FBXW7: variants seen among roughly 807,000 people sequenced by gnomAD.
FBXW7 encodes the protein F-box and WD repeat domain containing 7.
In FBXW7, 11 loss-of-function variants were observed where a neutral mutation model predicts 86.3. The observed-to-expected ratio is 0.13, with a 90% CI of 0.08 to 0.21. The LOEUF is 0.21. FBXW7 is among the 10% of genes least tolerant of loss of function. FBXW7 has a pLI of 1.00. For synonymous variants in FBXW7, 313 were observed against 297.9 expected, an observed-to-expected ratio of 1.05 and a Z score of -0.52; for missense variants, 488 against 847.4, an observed-to-expected ratio of 0.58 and a Z score of 5.27.
chr4:152,359,864 A>C (rs74289464), intron 4 of FBXW7, among the ~76,000 whole-genome samples: 2,082 of 152,290 alleles, frequency 0.014, 25 homozygotes, highest in Middle Eastern at 0.037. Context: ...AAAATGGAGA[A>C]GTTATTTTAA....
intron 9 of FBXW7, among the ~76,000 whole-genome samples, chr4:152,330,135 T>C (rs78501295): frequency 1.3e-5 from 2 of 151,698 alleles, no homozygotes; most frequent in African/African-American, 4.8e-5. Context: ...AAGAACAAAA[T>C]AAGCATCTAT....
chr4:152,376,415 C>T (rs1734523054), intron 4 of FBXW7, among the ~76,000 whole-genome samples: 1 of 151,980 alleles, frequency 6.6e-6, no homozygotes, highest in African/African-American at 2.4e-5. Flanking sequence ...GAAACAAAAG[C>T]AATACGACTG....
At chr4:152,416,752 A>G (rs1156581860) in intron 2 of FBXW7, among the ~76,000 whole-genome samples, 2 of 152,312 alleles carry the variant, frequency 1.3e-5, no homozygotes, top group Non-Finnish European at 2.9e-5. Flanking sequence ...TCAATCATAT[A>G]TATCTTTACT....
chr4:152,465,072 T>C (rs1322935285), intron 2 of FBXW7, among the ~76,000 whole-genome samples: 1 of 152,104 alleles, frequency 6.6e-6, no homozygotes, highest in Non-Finnish European at 1.5e-5. Flanking sequence ...CCAAGGTGTA[T>C]TATTGGTCAG....
rs147328646 is a variant in FBXW7 at position 152,383,114 on chromosome 4, T to C, written c.501+28189A>G. On this transcript the variant is annotated intron_variant, in intron 4 of 13. Coordinates refer to ENST00000281708, the MANE Select transcript of FBXW7 (RefSeq NM_001349798.2). ...TCAATCTTTAATTCTGAAAAACTTA[T>C]TGATTATACTTGAAAGCATAACAGT... 1.7e-3 allele frequency among the ~76,000 whole-genome samples: 255 copies of C among 152,260 alleles called. 1 individual carries two copies. The highest frequency in any genetic ancestry group is 5.8e-3 in the African/African-American group (243 of 41,572).
At chr4:152,336,784 CCATG>C (rs1469370374) in intron 7 of FBXW7, among the ~76,000 whole-genome samples, 2 of 151,964 alleles carry the variant, frequency 1.3e-5, no homozygotes, top group Non-Finnish European at 2.9e-5. Flanking sequence ...ATGCTTAGTT[CCATG>C]CATTAAATAT....
chr4:152,335,349 T>A (rs1262355762), intron 7 of FBXW7, among the ~76,000 whole-genome samples: 3 of 151,032 alleles, frequency 2.0e-5, no homozygotes, highest in Non-Finnish European at 4.4e-5. Flanking sequence ...ATGCCTGTAG[T>A]CCTAGCTACT....
intron 2 of FBXW7, among the ~76,000 whole-genome samples, chr4:152,511,812 CTATA>C (rs1385667251): frequency 1.3e-5 from 2 of 151,986 alleles, no homozygotes; most frequent in African/African-American, 4.8e-5. Context: ...GAGAATATCA[CTATA>C]TATTTGTATT....
chr4:152,458,169 A>G (rs945115830), intron 2 of FBXW7, among the ~76,000 whole-genome samples: 1 of 151,856 alleles, frequency 6.6e-6, no homozygotes, highest in Non-Finnish European at 1.5e-5. Context: ...ACAGGCACGC[A>G]CCACCACGCG....
At chr4:152,408,223 C>A (rs1737604491) in intron 4 of FBXW7, among the ~76,000 whole-genome samples, 1 of 152,090 alleles carries the variant, frequency 6.6e-6, no homozygotes, top group African/African-American at 2.4e-5. Flanking sequence ...ATCAGGATAC[C>A]AGATCTGGCC....
chr4:152,461,366 T>G (rs1429368016), intron 2 of FBXW7, among the ~76,000 whole-genome samples: 1 of 152,252 alleles, frequency 6.6e-6, no homozygotes, highest in African/African-American at 2.4e-5. Context: ...TTTGATCTCC[T>G]ATCTATTCAC....
chr4:152,337,241 T>C (rs189955380), intron 7 of FBXW7, among the ~76,000 whole-genome samples: 68 of 152,026 alleles, frequency 4.5e-4, no homozygotes, highest in Admixed American at 9.2e-4. Context: ...GAAATCTGTA[T>C]TTGTGTAATG....
chr4:152,353,884 C>T (rs1370646467), intron 4 of FBXW7, among the ~76,000 whole-genome samples: 1 of 152,082 alleles, frequency 6.6e-6, no homozygotes, highest in Non-Finnish European at 1.5e-5. Flanking sequence ...TCCTACCCTC[C>T]CCATTAGTGT....
At chr4:152,326,590 A>G (rs938141491) in intron 11 of FBXW7, among the ~76,000 whole-genome samples, 1 of 152,108 alleles carries the variant, frequency 6.6e-6, no homozygotes, top group Non-Finnish European at 1.5e-5. Flanking sequence ...GATTTTAGAA[A>G]TAAAATGTTA....
chr4:152,512,708 T>C (rs1178476098), intron 2 of FBXW7, among the ~76,000 whole-genome samples: 1 of 152,052 alleles, frequency 6.6e-6, no homozygotes, highest in Admixed American at 6.5e-5. Flanking sequence ...AGATAGGAAG[T>C]AGATTAGTGG....
chr4:152,438,033 G>C (rs908455523), intron 2 of FBXW7, among the ~76,000 whole-genome samples: 8 of 152,014 alleles, frequency 5.3e-5, no homozygotes, highest in Non-Finnish European at 1.0e-4. Flanking sequence ...AATTAGCCGG[G>C]TGTGGTGGCG....
intron 4 of FBXW7, chr4:152,382,226 C>G (rs775800662): frequency 6.3e-7 from 1 of 1,585,390 alleles, no homozygotes; most frequent in East Asian, 2.3e-5. Flanking sequence ...GGCAATGATG[C>G]TAATGCTAAA....
At chr4:152,425,703 T>C (rs537102065) in intron 2 of FBXW7, among the ~76,000 whole-genome samples, 11 of 151,268 alleles carry the variant, frequency 7.3e-5, no homozygotes, top group African/African-American at 2.2e-4. Context: ...GAGCTAAGCA[T>C]AGGCTAAAAC....
intron 4 of FBXW7, among the ~76,000 whole-genome samples, chr4:152,388,278 C>T (rs887833508): frequency 2.0e-5 from 3 of 152,078 alleles, no homozygotes; most frequent in Non-Finnish European, 2.9e-5. Flanking sequence ...GCAACAAGGG[C>T]GGCCCCTAAC....
Sources: gnomAD v4.1 joint callset for allele counts (sites outside exome capture counted in the v4.1 genomes callset) on GRCh38, gnomAD v4.1.1 for gene constraint, MANE v1.5 for transcripts, NCBI Gene and HGNC (gene_info 2026-07-23, HGNC 2026-07-21) for gene names.